Variants in CSMD2 observed in about 807,000 individuals in gnomAD.
The protein encoded by CSMD2 is CUB and Sushi multiple domains 2, also known as CUB and sushi domain-containing protein 2.
A neutral mutation model predicts 398.5 loss-of-function variants in CSMD2; 130 were observed. The observed-to-expected ratio is 0.33, with a 90% CI of 0.28 to 0.38. The LOEUF is 0.38. CSMD2 is among the 10% of genes least tolerant of loss of function. The probability of loss-of-function intolerance (pLI) is 1.00; values close to 1 mark genes in which losing one functional copy is unlikely to be tolerated. For synonymous variants in CSMD2, 1,828 were observed against 1,908.5 expected, an observed-to-expected ratio of 0.96 and a Z score of 1.10; for missense variants, 3,829 against 4,764.9, an observed-to-expected ratio of 0.80 and a Z score of 5.78.
intron 9 of CSMD2, chr1:33,815,549 G>A (rs923591753): frequency 1.2e-4 from 19 of 152,190 alleles, no homozygotes; most frequent in Admixed American, 7.2e-4. Context: ...TATTGACTCC[G>A]AAGGATGTCC....
chr1:33,652,697 T>C lies in CSMD2; in HGVS notation c.4448-236A>G, dbSNP rs537170963. Among the ~76,000 whole-genome samples, 102 of 152,342 alleles carry C rather than the reference T, an allele frequency of 6.7e-4. 2 individuals carry two copies. Among genetic ancestry groups the C allele is most frequent in the African/African-American group, 2.4e-3 (99 of 41,576 alleles). On this transcript the variant is annotated intron_variant, in intron 27 of 70. Transcript: ENST00000373381. Reference sequence around the variant, plus strand: ...TCGAAAGTACCAGATGCCACTGAACTGTTCATTGAAAAACAGGTAATTTTA... The same window carrying C: ...TCGAAAGTACCAGATGCCACTGAACCGTTCATTGAAAAACAGGTAATTTTA...
At chr1:33,753,860 G>A (rs1287454593) in intron 13 of CSMD2, among the ~76,000 whole-genome samples, 1 of 152,228 alleles carries the variant, frequency 6.6e-6, no homozygotes, top group African/African-American at 2.4e-5. Flanking sequence ...GAACTGTGTG[G>A]GGCCTGTTAC....
intron 3 of CSMD2, among the ~76,000 whole-genome samples, chr1:33,994,250 G>A (rs919404768): frequency 6.6e-6 from 1 of 152,146 alleles, no homozygotes; most frequent in Non-Finnish European, 1.5e-5. Context: ...ATCCAGCGGG[G>A]TATGCTTTGG....
In CSMD2 at chr1:33,692,956, G is replaced by A. The variant is rs142510996; in HGVS notation, c.4026C>T (p.Ile1342=). Residue 1342 remains isoleucine (I), a synonymous_variant, in exon 25 of 71, where the codon ATC becomes ATT. Coordinates refer to ENST00000373381, the MANE Select transcript of CSMD2 (RefSeq NM_001281956.2). Reference sequence around the variant, plus strand: ...CAATGGTGCAGCCGGCCTCTGCTTCGATGGTCCAGATGCAGTTGAGATTGT... The same window carrying A: ...CAATGGTGCAGCCGGCCTCTGCTTCAATGGTCCAGATGCAGTTGAGATTGT... The part of the protein sequence containing the change: ...YEHNLNCIWT[I]EAEAGCTIGL... 31 of 1,607,574 alleles carry A rather than the reference G, an allele frequency of 1.9e-5. No individual in the cohort carries two copies. The highest frequency in any genetic ancestry group is 2.5e-5 in the Non-Finnish European group (30 of 1,177,334).
intron 2 of CSMD2, among the ~76,000 whole-genome samples, chr1:34,057,741 G>T (rs1178660418): frequency 1.3e-5 from 2 of 152,002 alleles, no homozygotes; most frequent in African/African-American, 4.8e-5. Flanking sequence ...TGCCCACCCA[G>T]ACTCTGCCTA....
At chr1:33,800,408 C>G (rs1359432828) in intron 10 of CSMD2, among the ~76,000 whole-genome samples, 1 of 152,156 alleles carries the variant, frequency 6.6e-6, no homozygotes, top group Non-Finnish European at 1.5e-5. Flanking sequence ...TGGTCACTAC[C>G]TGAGGTTTCA....
chr1:33,578,093 T>C (rs1256860298), intron 48 of CSMD2, among the ~76,000 whole-genome samples: 1 of 152,190 alleles, frequency 6.6e-6, no homozygotes, highest in African/African-American at 2.4e-5. Context: ...GTGGTCATTG[T>C]CCTTCTTTGT....
chr1:33,571,521 C>G lies in CSMD2; in HGVS notation c.7957+11G>C. 1 of 1,437,948 alleles carries G rather than the reference C, an allele frequency of 7.0e-7. No homozygotes were observed. Among genetic ancestry groups the G allele is most frequent in the Non-Finnish European group, 9.3e-7 (1 of 1,076,490 alleles). The allele number at this position is 1,437,948 out of a possible 1,614,324, so 89.1% of individuals were successfully genotyped here. A position where few individuals can be genotyped will look rare whatever the true frequency, so the allele number is the denominator to read the frequency against. On this transcript the variant is annotated intron_variant, in intron 51 of 70. Coordinates refer to ENST00000373381, the MANE Select transcript of CSMD2 (RefSeq NM_001281956.2). ...CTGCTAAACTTGCCCACCCTCCCTT[C>G]CTGGGCTTACTTCGGCAGGTGGGCG...
rs11333218 is a variant in CSMD2 at position 33,514,280 on chromosome 1, C to CT, written c.*2343dup. 26,548 of 147,284 alleles carry CT rather than the reference C, an allele frequency of 0.18. 2,524 individuals are homozygous for CT. The highest frequency in any genetic ancestry group is 0.37 in the East Asian group (1,875 of 5,034). 9.1% of individuals were successfully genotyped at this position (147,284 alleles called of 1,614,324 possible). On this transcript the variant is annotated 3_prime_UTR_variant, in exon 71 of 71. Transcript: ENST00000373381. ...ACAATAATGAAAAAAAAATTTACAC[C>CT]TTTTTTTTTTTCTTTTTTGGTACTG... is the stretch of plus-strand genomic sequence containing the variant.
At chr1:33,595,042 G>A (rs1342830780) in intron 44 of CSMD2, among the ~76,000 whole-genome samples, 1 of 152,084 alleles carries the variant, frequency 6.6e-6, no homozygotes, top group East Asian at 1.9e-4. Flanking sequence ...CATCAACATT[G>A]GGAAATTAAC....
At position 34,120,398 on chromosome 1, in the gene CSMD2, C is replaced by A. The variant is rs544035811; in HGVS notation, c.188-31205G>T. 4.6e-5 allele frequency among the ~76,000 whole-genome samples: 7 copies of A among 152,274 alleles called. No homozygotes were observed. The South Asian group carries it at 1.5e-3, about 32-fold the overall frequency. Reference sequence around the variant, plus strand: ...CACAATAAGGCACATATAGTTAACACTACTGTGCTGTATAGTTAGTGGTTA... The same window carrying A: ...CACAATAAGGCACATATAGTTAACAATACTGTGCTGTATAGTTAGTGGTTA... On this transcript the variant is annotated intron_variant, in intron 1 of 70. Coordinates refer to ENST00000373381, the MANE Select transcript of CSMD2 (RefSeq NM_001281956.2).
At chr1:33,678,047 A>G (rs902333003) in intron 25 of CSMD2, among the ~76,000 whole-genome samples, 3 of 151,840 alleles carry the variant, frequency 2.0e-5, no homozygotes, top group African/African-American at 7.3e-5. Context: ...AACATGGCAC[A>G]TGTATACATA....
intron 3 of CSMD2, among the ~76,000 whole-genome samples, chr1:33,982,309 C>A (rs1341220453): frequency 1.3e-5 from 2 of 152,080 alleles, no homozygotes; most frequent in African/African-American, 2.4e-5. Flanking sequence ...GAGAAACAGA[C>A]CTTTGCAAAG....
chr1:33,978,730 C>T (rs1482302126), intron 3 of CSMD2, among the ~76,000 whole-genome samples: 1 of 152,148 alleles, frequency 6.6e-6, no homozygotes, highest in East Asian at 1.9e-4. Context: ...TACGAGCCAC[C>T]TAGCCCTGGC....
intron 3 of CSMD2, among the ~76,000 whole-genome samples, chr1:33,969,624 TTAAG>T (rs1645682875): frequency 1.3e-5 from 2 of 152,180 alleles, no homozygotes; most frequent in African/African-American, 4.8e-5. Flanking sequence ...GTTTTGAGAG[TTAAG>T]TGACTTTCCT....
At chr1:33,758,768 T>C (rs1649395174) in intron 13 of CSMD2, among the ~76,000 whole-genome samples, 1 of 152,146 alleles carries the variant, frequency 6.6e-6, no homozygotes, top group African/African-American at 2.4e-5. Flanking sequence ...GCCCACGGAA[T>C]TGTGAGTGGA....
At chr1:34,072,737 G>A (rs1390755577) in intron 2 of CSMD2, among the ~76,000 whole-genome samples, 1 of 152,100 alleles carries the variant, frequency 6.6e-6, no homozygotes, top group Non-Finnish European at 1.5e-5. Context: ...ACTGTGAGTG[G>A]AGAGATTGCT....
rs1641687721 is a variant in CSMD2, at chr1:34,164,531, T to C, written c.187+380A>G. 6.6e-6 allele frequency among the ~76,000 whole-genome samples: 1 copy of C among 151,116 alleles called. No homozygotes were observed. The highest frequency in any genetic ancestry group is 2.4e-5 in the African/African-American group (1 of 41,010). ...CTGGCAGAATCAGGAGCCGGGGGAG[T>C]AGGGCTCCCGGAAAGTTTATCGGGA... On this transcript the variant is annotated intron_variant, in intron 1 of 70. Transcript: ENST00000373381. This position sits in a 1 kb window ranked among gnomAD's most constrained non-coding sequence, Gnocchi z 6.2.
chr1:34,156,775 T>A (rs1640847037), intron 1 of CSMD2, among the ~76,000 whole-genome samples: 1 of 152,162 alleles, frequency 6.6e-6, no homozygotes, highest in Admixed American at 6.5e-5. Context: ...CATACATTAT[T>A]TTTAGCATCA....
Sources: gnomAD v4.1 joint callset for allele counts (sites outside exome capture counted in the v4.1 genomes callset) on GRCh38, gnomAD v4.1.1 for gene constraint, Gnocchi (gnomAD v3.1) non-coding constraint, MANE v1.5 for transcripts, NCBI Gene and HGNC (gene_info 2026-07-23, HGNC 2026-07-21) for gene names.